The following LRMDA variants were observed in gnomAD, a reference collection of about 807,000 sequenced individuals.
LRMDA encodes leucine-rich melanocyte differentiation-associated protein.
In LRMDA, 18 loss-of-function variants were observed where a neutral mutation model predicts 29.8. That is an observed-to-expected ratio of 0.60 (90% CI 0.42 to 0.90). The LOEUF (loss-of-function observed/expected upper bound fraction) is 0.90. Ranked by LOEUF, LRMDA falls within the 40% of genes least tolerant of loss-of-function variation. LRMDA has a pLI of 0.00. For missense variants in LRMDA, 273 were observed against 273.9 expected, an observed-to-expected ratio of 1.00 and a Z score of 0.02; for synonymous variants, 125 against 109.4, an observed-to-expected ratio of 1.14 and a Z score of -0.89.
rs10676051 is a variant in LRMDA, at chr10:75,483,879, T to TTTTTTTA, written c.131+45385_131+45386insTTTTTTA. Among the ~76,000 whole-genome samples, 25 of 150,662 alleles carry TTTTTTTA rather than the reference T, an allele frequency of 1.7e-4. 1 individual carries two copies. Among genetic ancestry groups the TTTTTTTA allele is most frequent in the Middle Eastern group, 3.5e-3 (1 of 288 alleles). Reference sequence around the variant, plus strand: ...CTAGTATGGAGAGGTTTTTTTTTTTTAATGATTTTTCAGGTAGTATTACTT... The same window carrying TTTTTTTA: ...CTAGTATGGAGAGGTTTTTTTTTTTTTTTTTTAAATGATTTTTCAGGTAGTATTACTT... On this transcript the variant is annotated intron_variant, in intron 2 of 6. Coordinates refer to ENST00000611255, the MANE Select transcript of LRMDA (RefSeq NM_001305581.2).
intron 2 of LRMDA, among the ~76,000 whole-genome samples, chr10:75,999,348 C>T (rs1847523600): frequency 6.6e-6 from 1 of 152,118 alleles, no homozygotes; most frequent in African/African-American, 2.4e-5. Flanking sequence ...ATTGTTGTCA[C>T]AGCACCTGGC....
chr10:76,024,253 G>A (rs534655445), intron 2 of LRMDA, among the ~76,000 whole-genome samples: 35 of 152,314 alleles, frequency 2.3e-4, no homozygotes, highest in African/African-American at 8.4e-4. Flanking sequence ...AGAGGAAATA[G>A]CCTTGGTTCA....
chr10:75,719,050 G>A (rs1384374703), intron 2 of LRMDA, among the ~76,000 whole-genome samples: 1 of 152,160 alleles, frequency 6.6e-6, no homozygotes, highest in African/African-American at 2.4e-5. Context: ...AAACAGATTA[G>A]GGTAAATTTT....
intron 2 of LRMDA, among the ~76,000 whole-genome samples, chr10:75,692,208 GAAA>G (rs528945539): frequency 0.02 from 1,234 of 61,092 alleles, 27 homozygotes; most frequent in African/African-American, 0.089. Flanking sequence ...TCTCTGGGGG[GAAA>G]AAAAAAAAAT....
At chr10:75,750,032 A>G (rs1047593880) in intron 2 of LRMDA, among the ~76,000 whole-genome samples, 2 of 152,256 alleles carry the variant, frequency 1.3e-5, no homozygotes, top group African/African-American at 4.8e-5. Context: ...ACTTCTTTCT[A>G]CACAGACACT....
intron 2 of LRMDA, among the ~76,000 whole-genome samples, chr10:76,019,271 G>A (rs1176284969): frequency 6.6e-6 from 1 of 152,160 alleles, no homozygotes; most frequent in Non-Finnish European, 1.5e-5. Context: ...TTGTATTGCA[G>A]CATTTCTAAG....
chr10:76,190,338 A>G (rs1007648802), intron 5 of LRMDA, among the ~76,000 whole-genome samples: 1 of 152,226 alleles, frequency 6.6e-6, no homozygotes, highest in Non-Finnish European at 1.5e-5. Context: ...AATTGGCAAC[A>G]GAATCCCTAA....
intron 2 of LRMDA, among the ~76,000 whole-genome samples, chr10:75,829,526 A>G (rs1177377079): frequency 6.6e-6 from 1 of 152,194 alleles, no homozygotes; most frequent in African/African-American, 2.4e-5. Flanking sequence ...ATTTTTACCT[A>G]AATCTGGTGT....
At chr10:75,442,772 TTC>T (rs1844343975) in intron 2 of LRMDA, among the ~76,000 whole-genome samples, 1 of 152,132 alleles carries the variant, frequency 6.6e-6, no homozygotes, top group Non-Finnish European at 1.5e-5. Flanking sequence ...TTTTTTCTAT[TTC>T]TGTGAAAAAT....
intron 6 of LRMDA, among the ~76,000 whole-genome samples, chr10:76,421,419 A>G (rs1454562252): frequency 6.6e-6 from 1 of 152,150 alleles, no homozygotes; most frequent in Non-Finnish European, 1.5e-5. Flanking sequence ...TATTTAAAAT[A>G]TGTTTCTTGT....
chr10:75,861,122 TG>T (rs1489928399), intron 2 of LRMDA, among the ~76,000 whole-genome samples: 1 of 152,262 alleles, frequency 6.6e-6, no homozygotes, highest in Non-Finnish European at 1.5e-5. Context: ...CTCAGATAGC[TG>T]TTCCAATCAT....
chr10:75,510,046 C>T lies in LRMDA; in HGVS notation c.131+71552C>T, dbSNP rs1000600957. ...GGCAGAGTACCTGGCACAGAAGAGG[C>T]AATCAATAAATGTTTGTGTGACAGG... On this transcript the variant is annotated intron_variant, in intron 2 of 6. Coordinates refer to ENST00000611255, the MANE Select transcript of LRMDA (RefSeq NM_001305581.2). Among the ~76,000 whole-genome samples, 36 of 152,210 alleles carry T rather than the reference C, an allele frequency of 2.4e-4. 1 individual carries two copies. Among genetic ancestry groups the T allele is most frequent in the African/African-American group, 8.4e-4 (35 of 41,460 alleles).
chr10:76,202,370 G>T (rs1233646957), intron 5 of LRMDA, among the ~76,000 whole-genome samples: 1 of 152,094 alleles, frequency 6.6e-6, no homozygotes, highest in African/African-American at 2.4e-5. Flanking sequence ...TTCCTTCCCT[G>T]ACTTCCTCCA....
chr10:76,533,269 T>C (rs1054683854), intron 6 of LRMDA, among the ~76,000 whole-genome samples: 4 of 152,212 alleles, frequency 2.6e-5, no homozygotes, highest in Non-Finnish European at 5.9e-5. Flanking sequence ...TTCTAAATTT[T>C]ACCTTGAGTA....
intron 2 of LRMDA, among the ~76,000 whole-genome samples, chr10:76,034,555 A>G (rs1160073108): frequency 3.3e-5 from 5 of 152,126 alleles, no homozygotes; most frequent in Admixed American, 2.6e-4. Flanking sequence ...AGTGGTATCT[A>G]CAGATTTAAT....
Position 76,522,214 on chromosome 10 carries a change from CATAAGCT to C in LRMDA, c.602-34992_602-34986del, listed in dbSNP as rs571626877. On this transcript the variant is annotated intron_variant, in intron 6 of 6. Coordinates refer to ENST00000611255, the MANE Select transcript of LRMDA (RefSeq NM_001305581.2). Reference sequence around the variant, plus strand: ...GTTCTTATCCAATTAATTCACAAAACATAAGCTATTTAACCACCACCATTTTCAGAGA... The same window carrying C: ...GTTCTTATCCAATTAATTCACAAAACATTTAACCACCACCATTTTCAGAGA... Among the ~76,000 whole-genome samples the C allele has an allele frequency of 1.7e-3, 264 of 152,260 alleles. 1 individual carries two copies. Among genetic ancestry groups the C allele is most frequent in the African/African-American group, 6.0e-3 (250 of 41,542 alleles).
chr10:76,334,089 C>T (rs1290527692), intron 6 of LRMDA, among the ~76,000 whole-genome samples: 2 of 152,206 alleles, frequency 1.3e-5, no homozygotes, highest in Non-Finnish European at 2.9e-5. Context: ...AGAGCAGCCA[C>T]AAACATTTGT....
At chr10:75,806,809 C>CA (rs56657815) in intron 2 of LRMDA, among the ~76,000 whole-genome samples, 9,425 of 77,164 alleles carry the variant, frequency 0.12, 804 homozygotes, top group African/African-American at 0.28. Context: ...CTGGAAATTG[C>CA]AAAAAAAAAA....
At chr10:75,730,964 G>A (rs567830343) in intron 2 of LRMDA, among the ~76,000 whole-genome samples, 2 of 152,278 alleles carry the variant, frequency 1.3e-5, no homozygotes, top group East Asian at 1.9e-4. Flanking sequence ...CTGACAGCTT[G>A]TTACTTATGG....
Sources: gnomAD v4.1 joint callset for allele counts (sites outside exome capture counted in the v4.1 genomes callset) on GRCh38, gnomAD v4.1.1 for gene constraint, MANE v1.5 for transcripts, NCBI Gene and HGNC (gene_info 2026-07-23, HGNC 2026-07-21) for gene names.